The following ADRA1A variants were observed in gnomAD, a reference collection of about 807,000 sequenced individuals.
The protein encoded by ADRA1A is alpha-1A adrenergic receptor.
A neutral mutation model predicts 29.6 loss-of-function variants in ADRA1A; 31 were observed. The observed-to-expected ratio is 1.05, with a 90% CI of 0.79 to 1.41. The LOEUF (loss-of-function observed/expected upper bound fraction) is 1.41, where lower values mean the gene tolerates loss of function less well. Ranked by LOEUF, ADRA1A falls within the 40% of genes most tolerant of loss-of-function variation. The pLI is 0.00. For synonymous variants in ADRA1A, 311 were observed against 254.3 expected, an observed-to-expected ratio of 1.22 and a Z score of -2.12; for missense variants, 619 against 601.1, an observed-to-expected ratio of 1.03 and a Z score of -0.31.
chr8:26,828,552 G>T (rs1209534599), intron 2 of ADRA1A, among the ~76,000 whole-genome samples: 1 of 152,220 alleles, frequency 6.6e-6, no homozygotes, highest in African/African-American at 2.4e-5. Context: ...GCTGGGGAAA[G>T]AAGGGAGGGT....
Position 26,757,407 on chromosome 8 carries a change from T to A in ADRA1A, c.1270-628A>T, listed in dbSNP as rs73558228. On this transcript the variant is annotated intron_variant, in intron 2 of 2. Transcript: ENST00000380582. ...CCACTTAAAGGGTGCCCCAGAAATG[T>A]CTAGACTCGACTGGCAGAACCTGAA... is the stretch of plus-strand genomic sequence containing the variant. 2.9e-3 allele frequency among the ~76,000 whole-genome samples: 442 copies of A among 152,184 alleles called. 2 individuals are homozygous for A. The highest frequency in any genetic ancestry group is 9.5e-3 in the African/African-American group (393 of 41,516).
intron 2 of ADRA1A, among the ~76,000 whole-genome samples, chr8:26,838,898 C>T (rs1811587376): frequency 6.6e-6 from 1 of 152,114 alleles, no homozygotes; most frequent in Non-Finnish European, 1.5e-5. Context: ...CTAATGTGTC[C>T]CCTCAGCTCT....
At chr8:26,842,193 C>G (rs67410524) in intron 2 of ADRA1A, among the ~76,000 whole-genome samples, 1 of 152,132 alleles carries the variant, frequency 6.6e-6, no homozygotes. Flanking sequence ...CCATATGGAG[C>G]TATGGAGTAC....
chr8:26,866,743 A>G lies in ADRA1A; in HGVS notation c.-687+193T>C, dbSNP rs995311730. Among the ~76,000 whole-genome samples, 1 of 152,218 alleles carries G rather than the reference A, an allele frequency of 6.6e-6. No homozygotes were observed. The highest frequency in any genetic ancestry group is 2.4e-5 in the African/African-American group (1 of 41,458). On this transcript the variant is annotated intron_variant, in intron 1 of 2. Transcript: ENST00000380573. This position sits in a 1 kb window ranked among gnomAD's most constrained non-coding sequence, Gnocchi z 5.7. Reference sequence around the variant, plus strand: ...GAGGGTGATAAACACAGGGTTAAAAAGACACTTGTTCAGTAGAAGGCAACT... The same window carrying G: ...GAGGGTGATAAACACAGGGTTAAAAGGACACTTGTTCAGTAGAAGGCAACT...
chr8:26,755,287 T>C (rs1305436591), downstream of ADRA1A, among the ~76,000 whole-genome samples: 1 of 151,982 alleles, frequency 6.6e-6, no homozygotes. Context: ...ACCAAGGCTT[T>C]GTGATTTTCA....
At chr8:26,750,606 G>T (rs1428575701) in intron 2 of ADRA1A, among the ~76,000 whole-genome samples, 1 of 152,240 alleles carries the variant, frequency 6.6e-6, no homozygotes, top group Non-Finnish European at 1.5e-5. Flanking sequence ...CAATGGGAAA[G>T]ATGTTTTAAC....
Position 26,848,638 on chromosome 8 carries a change from G to C in ADRA1A, c.883+15449C>G, listed in dbSNP as rs531554385. Among the ~76,000 whole-genome samples, 6 of 152,258 alleles carry C rather than the reference G, an allele frequency of 3.9e-5. No individual in the cohort carries two copies. In the South Asian group the frequency reaches 1.2e-3, roughly 32 times the overall value. On this transcript the variant is annotated intron_variant, in intron 2 of 2. Transcript: ENST00000380573. This position sits in a 1 kb window ranked among gnomAD's most constrained non-coding sequence, Gnocchi z 4.3. ...TATACCTGCCCAGGTATTCCATTAT[G>C]GCAGCCTGAGCTGACAAGTCTACCG...
chr8:26,763,546 G>A (rs562939609), downstream of ADRA1A, among the ~76,000 whole-genome samples: 3 of 152,178 alleles, frequency 2.0e-5, no homozygotes, highest in Non-Finnish European at 4.4e-5. This position sits in a 1 kb window ranked among gnomAD's most constrained non-coding sequence, Gnocchi z 4.5. Flanking sequence ...ACAATTCATG[G>A]AGTGGGGCCA....
At chr8:26,829,396 C>A (rs1178691935) in intron 2 of ADRA1A, among the ~76,000 whole-genome samples, 1 of 152,064 alleles carries the variant, frequency 6.6e-6, no homozygotes, top group Non-Finnish European at 1.5e-5. Flanking sequence ...AGTGAGGAAA[C>A]AATAAGCTAT....
chr8:26,855,447 A>C (rs1812975617), intron 2 of ADRA1A, among the ~76,000 whole-genome samples: 1 of 152,150 alleles, frequency 6.6e-6, no homozygotes, highest in South Asian at 2.1e-4. Flanking sequence ...GCTGTATAAA[A>C]AGTGGCCAAA....
At chr8:26,784,567 A>G (rs982352064) in intron 2 of ADRA1A, among the ~76,000 whole-genome samples, 1 of 152,212 alleles carries the variant, frequency 6.6e-6, no homozygotes, top group African/African-American at 2.4e-5. Flanking sequence ...AAGAAAAGAA[A>G]GCTGACACAG....
Position 26,769,191 on chromosome 8 carries a change from G to A in ADRA1A, c.*958C>T. ...CTCTGGATTTTCATAACAGAGTTCT[G>A]GAACAGGTAAGTGATTTGTCAAGAA... On this transcript the variant is annotated 3_prime_UTR_variant, in exon 3 of 3. Transcript: ENST00000380573. 4 of 985,342 alleles carry A rather than the reference G, an allele frequency of 4.1e-6. No homozygotes were observed. The highest frequency in any genetic ancestry group is 4.8e-6 in the Non-Finnish European group (4 of 829,886). The allele number at this position is 985,342 out of a possible 1,614,324, so 61.0% of individuals were successfully genotyped here.
In ADRA1A at chr8:26,825,415, A is replaced by T. The variant is rs1458823332; in HGVS notation, c.883+38672T>A. 6.6e-6 allele frequency among the ~76,000 whole-genome samples: 1 copy of T among 151,898 alleles called. No individual in the cohort carries two copies. Among genetic ancestry groups the T allele is most frequent in the Admixed American group, 6.6e-5 (1 of 15,256 alleles). On this transcript the variant is annotated intron_variant, in intron 2 of 2. Transcript: ENST00000380573. The surrounding 1 kb of genome is among the most constrained non-coding windows in gnomAD (Gnocchi z 5.7). ...GGAGGGTGGGTAGGGAGGAAGATGG[A>T]GTTTCTTTGTTTTCTAATTCCGCCC...
rs137998319 is a variant in ADRA1A, at chr8:26,787,310, CAT to C, written c.884-16646_884-16645del. 0.014 allele frequency among the ~76,000 whole-genome samples: 2,155 copies of C among 152,110 alleles called. 49 individuals are homozygous for C. Among genetic ancestry groups the C allele is most frequent in the African/African-American group, 0.047 (1,946 of 41,494 alleles). ...GTCCTATTTTTTCAGAAAGCAGAGA[CAT>C]GTGTAATTCAAATTATTAATACAAA... On this transcript the variant is annotated intron_variant, in intron 2 of 2. Transcript: ENST00000380573. This position sits in a 1 kb window ranked among gnomAD's most constrained non-coding sequence, Gnocchi z 4.2.
chr8:26,845,439 A>T (rs1314344109), intron 2 of ADRA1A, among the ~76,000 whole-genome samples: 1 of 152,196 alleles, frequency 6.6e-6, no homozygotes, highest in African/African-American at 2.4e-5. Flanking sequence ...ATGACAAGTA[A>T]TGGTGAGGAT....
In ADRA1A at chr8:26,769,832, T is replaced by C; in HGVS notation, c.*317A>G. On this transcript the variant is annotated 3_prime_UTR_variant, in exon 3 of 3. Transcript: ENST00000380573. ...TCATGATGAAATCATAATCCTATAT[T>C]TATAGTCTTTTGGATTGTGCATGAA... 1 of 1,077,012 alleles carries C rather than the reference T, an allele frequency of 9.3e-7. No individual in the cohort carries two copies. Among genetic ancestry groups the C allele is most frequent in the African/African-American group, 1.6e-5 (1 of 60,686 alleles). 66.7% of individuals were successfully genotyped at this position (1,077,012 alleles called of 1,614,324 possible).
chr8:26,827,363 A>G (rs937689859), intron 2 of ADRA1A, among the ~76,000 whole-genome samples: 1 of 152,222 alleles, frequency 6.6e-6, no homozygotes, highest in African/African-American at 2.4e-5. Context: ...GCTTAGTGAC[A>G]TGTGATACTT....
chr8:26,769,485 T>C lies in ADRA1A; in HGVS notation c.*664A>G, dbSNP rs1805980146. ...CTCCTGACCCAAGGATAGAGAACAC[T>C]ACATTCCAAGACATCATGAGTGCCC... On this transcript the variant is annotated 3_prime_UTR_variant, in exon 3 of 3. Transcript: ENST00000380573. 1.0e-6 allele frequency: 1 copy of C among 985,312 alleles called. No homozygotes were observed. The highest frequency in any genetic ancestry group is 1.2e-6 in the Non-Finnish European group (1 of 829,928). The allele number at this position is 985,312 out of a possible 1,614,324, so 61.0% of individuals were successfully genotyped here.
intron 2 of ADRA1A, chr8:26,854,223 A>G (rs992253242): frequency 2.0e-5 from 3 of 152,122 alleles, no homozygotes; most frequent in African/African-American, 7.3e-5. Context: ...TCTCAACAAG[A>G]GTGGTAGGAA....
Sources: allele counts gnomAD v4.1 joint callset (sites outside exome capture counted in the v4.1 genomes callset), GRCh38; gene constraint gnomAD v4.1.1; non-coding constraint Gnocchi (gnomAD v3.1); transcripts MANE v1.5; gene names NCBI Gene and HGNC (gene_info 2026-07-23, HGNC 2026-07-21).